RBBP7: variants seen among roughly 807,000 people sequenced by gnomAD.
RBBP7 encodes the protein RB binding protein 7, chromatin remodeling factor, also known as histone-binding protein RBBP7.
RBBP7 carries 5 observed loss-of-function variants against 35.2 expected under a neutral mutation model. The observed-to-expected ratio is 0.14, with a 90% confidence interval of 0.07 to 0.30. The LOEUF (loss-of-function observed/expected upper bound fraction) is 0.30. RBBP7 is among the 10% of genes least tolerant of loss of function. RBBP7 has a pLI of 1.00. For missense variants in RBBP7, 155 were observed against 327.5 expected, an observed-to-expected ratio of 0.47 and a Z score of 4.07; for synonymous variants, 140 against 118.7, an observed-to-expected ratio of 1.18 and a Z score of -1.17.
At chrX:16,853,053 G>A in intron 6 of RBBP7, 178 bp from the exon 7 acceptor site, 1 of 686,235 alleles carries the variant, frequency 1.5e-6, no homozygotes, top group South Asian at 3.1e-5. Context: ...GAAACCTACA[G>A]AGAACAAGCT....
At chrX:16,853,345 G>A (rs1308789630) in intron 6 of RBBP7, 5 of 173,417 alleles carry the variant, frequency 2.9e-5, no homozygotes, top group Non-Finnish European at 4.3e-5. Flanking sequence ...ACCACACCAA[G>A]TATGTTCCTT....
rs777655034 is a variant in RBBP7 at position 16,862,454 on chromosome X, G to A, written c.307+501C>T. On this transcript the variant is annotated intron_variant, in intron 3 of 11. Transcript: ENST00000380087. ...AACACATATTACTTTTACCAAAGTG[G>A]AATACTGTAATTACACATAGCAGTT... Among the ~76,000 whole-genome samples, 12 of 111,364 alleles carry A rather than the reference G, an allele frequency of 1.1e-4. No individual in the cohort carries two copies. In the East Asian group the frequency reaches 2.5e-3, roughly 23 times the overall value.
At chrX:16,849,121 G>A (rs779098134) in intron 10 of RBBP7, 123 bp downstream of exon 10, 2 of 571,857 alleles carry the variant, frequency 3.5e-6, no homozygotes, top group Non-Finnish European at 5.4e-6. Context: ...AACCTTCAGG[G>A]CCTCCATTTT....
intron 1 of RBBP7, chrX:16,869,633 G>C (rs771272571): frequency 8.6e-7 from 1 of 1,160,008 alleles, no homozygotes; most frequent in South Asian, 1.9e-5. Context: ...CGCCCGCCTC[G>C]GCAGCCATAG....
chrX:16,854,271 C>G (rs1320633410), intron 5 of RBBP7, among the ~76,000 whole-genome samples: 2 of 111,219 alleles, frequency 1.8e-5, no homozygotes, highest in Non-Finnish European at 3.8e-5. Context: ...GAGGTAAACA[C>G]AAGAGAGAAA....
chrX:16,864,245 C>T (rs923557045), intron 2 of RBBP7, among the ~76,000 whole-genome samples: 2 of 110,931 alleles, frequency 1.8e-5, no homozygotes, highest in African/African-American at 3.3e-5. Context: ...GACAAATGGG[C>T]GCCGTGGCTC....
At chrX:16,868,531 C>A (rs2147531804) in intron 2 of RBBP7, among the ~76,000 whole-genome samples, 1 of 112,716 alleles carries the variant, frequency 8.9e-6, no homozygotes, top group East Asian at 2.8e-4. Flanking sequence ...AGAGAAACTG[C>A]AGATGTAACA....
intron 1 of RBBP7, chrX:16,869,581 G>A: frequency 8.6e-7 from 1 of 1,166,597 alleles, no homozygotes; most frequent in Non-Finnish European, 1.1e-6. Context: ...CCACAGGCCT[G>A]GTCTCTCCAA....
chrX:16,851,016 C>T (rs1025135671), intron 9 of RBBP7, among the ~76,000 whole-genome samples: 3 of 109,200 alleles, frequency 2.7e-5, no homozygotes, highest in Non-Finnish European at 5.7e-5. Context: ...CCCACCTCCT[C>T]GGGAAGCTGA....
intron 2 of RBBP7, 119 bp downstream of exon 2, chrX:16,868,957 C>A: frequency 1.3e-6 from 1 of 775,925 alleles, no homozygotes; most frequent in Non-Finnish European, 1.8e-6. Flanking sequence ...ATAAAAACCA[C>A]CTGCCACCTC....
At position 16,857,610 on chromosome X, in the gene RBBP7, C is replaced by T; in HGVS notation, c.581G>A (p.Ser194Asn). 1 of 1,209,806 alleles carries T rather than the reference C, an allele frequency of 8.3e-7. No individual in the cohort carries two copies. The highest frequency in any genetic ancestry group is 1.1e-6 in the Non-Finnish European group (1 of 894,895). ...WNSNLSGHLL[S>N]ASDDHTVCLW... ...GTTTCTCACATGGTCATCAGATGCA[C>T]TTAGGAGATGTCCACTCAAATTTGA... Residue 194 changes from serine to asparagine, a missense_variant, in exon 5 of 12, where the codon AGT becomes AAT. Physicochemically the swap from Ser to Asn is conservative, Grantham distance 46. Around this residue, in one of 3 missense-constraint regions of RBBP7, gnomAD observed 79 missense variants for 220.8 expected, o/e 0.36. Transcript: ENST00000380087.
rs1047391676 is a variant in RBBP7 at position 16,844,465 on chromosome X, T to C, written c.*570A>G. ...TAGAGATTTTTCACTAATGTGAATCTGATTTTATCTACTTGATTCTGTATA... is the reference window on the plus strand; with the variant it reads ...TAGAGATTTTTCACTAATGTGAATCCGATTTTATCTACTTGATTCTGTATA... On this transcript the variant is annotated 3_prime_UTR_variant, in exon 12 of 12. Transcript: ENST00000380087. The C allele has an allele frequency of 8.9e-6, 1 of 112,032 alleles. No individual in the cohort carries two copies. The highest frequency in any genetic ancestry group is 1.9e-5 in the Non-Finnish European group (1 of 53,242). The allele number at this position is 112,032 out of a possible 1,213,427, so 9.2% of individuals were successfully genotyped here. A position where few individuals can be genotyped will look rare whatever the true frequency, so the allele number is the denominator to read the frequency against.
intron 3 of RBBP7, among the ~76,000 whole-genome samples, chrX:16,861,321 C>CA (rs1930472451): frequency 8.9e-6 from 1 of 111,927 alleles, no homozygotes; most frequent in Non-Finnish European, 1.9e-5. Context: ...ACAATGAATA[C>CA]ACCATACAAC....
chrX:16,861,928 T>C (rs1391469991), intron 3 of RBBP7, among the ~76,000 whole-genome samples: 2 of 111,973 alleles, frequency 1.8e-5, no homozygotes, highest in African/African-American at 6.5e-5. Context: ...ACTCTGCAGA[T>C]ATCAAGATTG....
intron 5 of RBBP7, among the ~76,000 whole-genome samples, chrX:16,856,740 A>C (rs996310157): frequency 8.9e-6 from 1 of 112,014 alleles, no homozygotes; most frequent in Non-Finnish European, 1.9e-5. Context: ...CCACTTTGGA[A>C]AACAGTTTGG....
chrX:16,848,300 A>G (rs1930132937), intron 10 of RBBP7: 1 of 111,929 alleles, frequency 8.9e-6, no homozygotes, highest in African/African-American at 3.3e-5. Flanking sequence ...CCAAAACCCA[A>G]GAACACTCCC....
At chrX:16,861,782 C>T (rs997303794) in intron 3 of RBBP7, among the ~76,000 whole-genome samples, 4 of 111,859 alleles carry the variant, frequency 3.6e-5, no homozygotes, top group Non-Finnish European at 7.5e-5. Context: ...CTGAGGAACA[C>T]TGGGACCCTA....
At position 16,865,087 on chromosome X, in the gene RBBP7, A is replaced by AAAC. The variant is rs1174003622; in HGVS notation, c.162-1988_162-1987insGTT. On this transcript the variant is annotated intron_variant, in intron 2 of 11. Coordinates refer to ENST00000380087, the MANE Select transcript of RBBP7 (RefSeq NM_002893.4). The stretch of plus-strand genomic sequence containing the variant: ...TCAAAAAAAAAAAAAAAAAAAAAAA[A>AAAC]AAAGAATAAATATTTGGCCGGATGT... Among the ~76,000 whole-genome samples, 138 of 104,019 alleles carry AAAC rather than the reference A, an allele frequency of 1.3e-3. 2 individuals carry two copies. The highest frequency in any genetic ancestry group is 2.2e-3 in the Non-Finnish European group (111 of 51,188). 90.3% of individuals were successfully genotyped at this position (104,019 alleles called of 115,157 possible).
intron 2 of RBBP7, among the ~76,000 whole-genome samples, chrX:16,867,822 G>A (rs756843887): frequency 9.2e-6 from 1 of 108,430 alleles, no homozygotes; most frequent in East Asian, 2.9e-4. Flanking sequence ...AGGACTACAG[G>A]TACACGCTGC....
Sources: allele counts gnomAD v4.1 joint callset (sites outside exome capture counted in the v4.1 genomes callset), GRCh38; gene constraint gnomAD v4.1.1; regional missense constraint gnomAD v4.1.1; transcripts MANE v1.5; gene names NCBI Gene and HGNC (gene_info 2026-07-23, HGNC 2026-07-21).